Variants in CNTNAP2 observed in about 807,000 individuals in gnomAD.
CNTNAP2 encodes contactin associated protein 2, also known as contactin-associated protein-like 2.
In CNTNAP2, 98 loss-of-function variants were observed where a neutral mutation model predicts 155.2. The observed-to-expected ratio is 0.63, with a 90% CI of 0.54 to 0.75. CNTNAP2 has a LOEUF of 0.75. Among genes scored for constraint, CNTNAP2 ranks in the 30% least tolerant of loss-of-function variants. The probability of loss-of-function intolerance (pLI) is 0.00; values close to 1 mark genes in which losing one functional copy is unlikely to be tolerated. For missense variants in CNTNAP2, 1,727 were observed against 1,688.1 expected (o/e 1.02, Z -0.40); for synonymous variants, 651 against 631.2 (o/e 1.03, Z -0.47).
chr7:147,119,752 A>T (rs1042036541), intron 5 of CNTNAP2, among the ~76,000 whole-genome samples: 14 of 151,916 alleles, frequency 9.2e-5, no homozygotes, highest in African/African-American at 3.4e-4. Flanking sequence ...GGGAGGGGAA[A>T]GAAAGGGAGA....
At chr7:147,939,098 T>C (rs1361475877) in intron 14 of CNTNAP2, among the ~76,000 whole-genome samples, 1 of 152,212 alleles carries the variant, frequency 6.6e-6, no homozygotes, top group African/African-American at 2.4e-5. Flanking sequence ...GTATGTACGA[T>C]GACTCACTCT....
At chr7:147,702,119 C>G (rs545247419) in intron 13 of CNTNAP2, among the ~76,000 whole-genome samples, 1 of 149,774 alleles carries the variant, frequency 6.7e-6, no homozygotes, top group African/African-American at 2.5e-5. Context: ...TCCTTCAACC[C>G]CATTCTGATG....
chr7:146,775,887 A>G lies in CNTNAP2; in HGVS notation c.208+1506A>G, dbSNP rs531126990. Among the ~76,000 whole-genome samples, 5 of 152,238 alleles carry G rather than the reference A, an allele frequency of 3.3e-5. No homozygotes were observed. In the East Asian group the frequency reaches 9.7e-4, roughly 29 times the overall value. ...TACACAAGCAAAGGTAGAGGAACAT[A>G]ACAAAAATGCAGTTTTAATGTAATA... is the stretch of plus-strand genomic sequence containing the variant. On this transcript the variant is annotated intron_variant, in intron 2 of 23. Coordinates refer to ENST00000361727, the MANE Select transcript of CNTNAP2 (RefSeq NM_014141.6).
chr7:146,585,410 G>T (rs113883141), intron 1 of CNTNAP2, among the ~76,000 whole-genome samples: 1 of 151,938 alleles, frequency 6.6e-6, no homozygotes, highest in East Asian at 1.9e-4. Flanking sequence ...GTGAGCTACC[G>T]CACCCGGCCT....
At chr7:147,749,339 G>A (rs7807589) in intron 13 of CNTNAP2, among the ~76,000 whole-genome samples, 22,469 of 152,088 alleles carry the variant, frequency 0.15, 3,098 homozygotes, top group African/African-American at 0.37. Context: ...TGGATGTGTC[G>A]TAGTCCATAA....
chr7:147,263,561 T>C (rs187177282), intron 8 of CNTNAP2, among the ~76,000 whole-genome samples: 3 of 152,318 alleles, frequency 2.0e-5, no homozygotes, highest in Admixed American at 2.0e-4. Flanking sequence ...CATCTCCTTT[T>C]GGACCAGATC....
chr7:147,735,364 T>G (rs577405504), intron 13 of CNTNAP2, among the ~76,000 whole-genome samples: 108 of 152,312 alleles, frequency 7.1e-4, no homozygotes, highest in Non-Finnish European at 3.8e-4. Context: ...AGTTCTAGTT[T>G]GATTGCACTG....
At chr7:146,302,488 C>A (rs1398535256) in intron 1 of CNTNAP2, among the ~76,000 whole-genome samples, 1 of 151,982 alleles carries the variant, frequency 6.6e-6, no homozygotes, top group Non-Finnish European at 1.5e-5. Flanking sequence ...GTATTAAATG[C>A]CTGATGTATA....
intron 1 of CNTNAP2, among the ~76,000 whole-genome samples, chr7:146,730,854 T>C (rs889083141): frequency 3.9e-5 from 6 of 152,218 alleles, no homozygotes; most frequent in African/African-American, 1.2e-4. Context: ...ACCTTAGTTT[T>C]AGATGGTTAC....
intron 15 of CNTNAP2, among the ~76,000 whole-genome samples, chr7:148,081,647 A>G (rs992887393): frequency 6.6e-6 from 1 of 151,876 alleles, no homozygotes; most frequent in Non-Finnish European, 1.5e-5. Flanking sequence ...ATTTCCATAT[A>G]TATATCTATT....
intron 13 of CNTNAP2, among the ~76,000 whole-genome samples, chr7:147,778,541 C>CGG (rs1386849300): frequency 5.3e-5 from 8 of 152,222 alleles, no homozygotes; most frequent in Non-Finnish European, 1.2e-4. Flanking sequence ...GATTAGCCCA[C>CGG]TGATTGATAA....
intron 1 of CNTNAP2, among the ~76,000 whole-genome samples, chr7:146,457,754 G>A (rs142774256): frequency 0.027 from 4,134 of 151,312 alleles, 135 homozygotes; most frequent in African/African-American, 0.074. Flanking sequence ...CCACCCACCT[G>A]GGTCTCCCAA....
rs1225910643 is a variant in CNTNAP2, at chr7:148,118,157, C to T, written c.2423C>T (p.Ser808Phe). The T allele has an allele frequency of 1.2e-6, 2 of 1,614,188 alleles. No individual in the cohort carries two copies. Among genetic ancestry groups the T allele is most frequent in the Non-Finnish European group, 1.7e-6 (2 of 1,180,036 alleles). The part of the protein sequence containing the change: ...WNAASFPNPS[S>F]YLHFSTFQGE... ...GCCGCCTCTTTCCCAAACCCATCCT[C>T]CTACCTGCACTTCTCTACTTTCCAA... The change falls in exon 16 of 24, where the codon TCC becomes TTC. Residue 808 changes from serine to phenylalanine, a missense_variant. Ser to Phe is a radical substitution (Grantham distance 155). Transcript: ENST00000361727.
At chr7:148,010,776 C>A (rs1802067011) in intron 15 of CNTNAP2, among the ~76,000 whole-genome samples, 1 of 152,108 alleles carries the variant, frequency 6.6e-6, no homozygotes, top group East Asian at 1.9e-4. Context: ...TGCACAGTCT[C>A]CCCTACTGTC....
At chr7:147,034,501 C>G (rs1387265724) in intron 3 of CNTNAP2, among the ~76,000 whole-genome samples, 1 of 152,018 alleles carries the variant, frequency 6.6e-6, no homozygotes. Context: ...ACCTTGTGCT[C>G]TCTTAGTTTT....
chr7:147,026,048 CAG>C (rs1215638024), intron 3 of CNTNAP2, among the ~76,000 whole-genome samples: 1 of 151,954 alleles, frequency 6.6e-6, no homozygotes, highest in Non-Finnish European at 1.5e-5. Context: ...TTAGTAGAGA[CAG>C]GGTTTCACCA....
chr7:147,813,290 T>C lies in CNTNAP2; in HGVS notation c.2099-90275T>C, dbSNP rs370286065. ...GGGAAGTTCAAAACATCACATTTTT[T>C]ACCAGGAAGTTGATGCATTCCCTTG... On this transcript the variant is annotated intron_variant, in intron 13 of 23. Coordinates refer to ENST00000361727, the MANE Select transcript of CNTNAP2 (RefSeq NM_014141.6). Among the ~76,000 whole-genome samples, 5 of 152,198 alleles carry C rather than the reference T, an allele frequency of 3.3e-5. No homozygotes were observed. The East Asian group carries it at 9.6e-4, about 29-fold the overall frequency.
chr7:146,328,572 C>T (rs369236422), intron 1 of CNTNAP2, among the ~76,000 whole-genome samples: 2 of 151,896 alleles, frequency 1.3e-5, no homozygotes, highest in East Asian at 3.9e-4. Context: ...AATGCATTCT[C>T]ACAGCAAATT....
At chr7:147,734,769 A>G (rs548437404) in intron 13 of CNTNAP2, among the ~76,000 whole-genome samples, 89 of 152,278 alleles carry the variant, frequency 5.8e-4, no homozygotes, top group Non-Finnish European at 9.7e-4. Flanking sequence ...CCAGGAATTT[A>G]TCCATGTCTT....
Sources: allele counts gnomAD v4.1 joint callset (sites outside exome capture counted in the v4.1 genomes callset), GRCh38; gene constraint gnomAD v4.1.1; transcripts MANE v1.5; gene names NCBI Gene and HGNC (gene_info 2026-07-23, HGNC 2026-07-21).